Variants in ULK4 observed in about 807,000 individuals in gnomAD.
ULK4 encodes the protein unc-51 like kinase 4.
In ULK4, 133 loss-of-function variants were observed where a neutral mutation model predicts 160.6. The observed-to-expected ratio is 0.83, with a 90% CI of 0.72 to 0.96. The LOEUF is 0.96. Ranked by LOEUF, ULK4 falls within the 40% of genes least tolerant of loss-of-function variation. The pLI is 0.00. For synonymous variants in ULK4, 534 were observed against 539.8 expected (o/e 0.99, Z 0.15); for missense variants, 1,580 against 1,499.5 (o/e 1.05, Z -0.89).
intron 31 of ULK4, among the ~76,000 whole-genome samples, chr3:41,579,113 T>A (rs974705591): frequency 2.0e-5 from 3 of 152,192 alleles, no homozygotes; most frequent in African/African-American, 7.2e-5. Context: ...AAGAAGCCCT[T>A]TGAACAATGG....
chr3:41,545,598 A>C (rs938497482), intron 32 of ULK4, among the ~76,000 whole-genome samples: 1 of 152,130 alleles, frequency 6.6e-6, no homozygotes, highest in Non-Finnish European at 1.5e-5. Flanking sequence ...TCGTGTGCTT[A>C]GGTGAATTTT....
chr3:41,820,040 G>T (rs2041092389), intron 18 of ULK4, among the ~76,000 whole-genome samples: 2 of 152,074 alleles, frequency 1.3e-5, no homozygotes, highest in South Asian at 4.2e-4. Flanking sequence ...TCTCCCAGAA[G>T]ATTAACCAAA....
intron 35 of ULK4, among the ~76,000 whole-genome samples, chr3:41,373,009 C>A (rs376329940): frequency 6.6e-6 from 1 of 151,962 alleles, no homozygotes; most frequent in Admixed American, 6.6e-5. Context: ...GATAAAACAG[C>A]CTTTAAACAA....
chr3:41,954,486 A>G, intron 2 of ULK4, 136 bp downstream of exon 2: 1 of 899,692 alleles, frequency 1.1e-6, no homozygotes, highest in Non-Finnish European at 1.7e-6. Context: ...GGCACTGAAC[A>G]GATGAAGGTC....
chr3:41,786,094 C>A (rs950417303), intron 21 of ULK4, among the ~76,000 whole-genome samples: 1 of 152,228 alleles, frequency 6.6e-6, no homozygotes, highest in Non-Finnish European at 1.5e-5. Context: ...CACCTGCACA[C>A]TGCCCCTAAC....
chr3:41,736,142 C>T (rs2125873212), intron 22 of ULK4, among the ~76,000 whole-genome samples: 1 of 151,704 alleles, frequency 6.6e-6, no homozygotes, highest in African/African-American at 2.4e-5. Context: ...AATAATGCCA[C>T]AATAAACATA....
chr3:41,710,722 A>C (rs1478010603), intron 25 of ULK4, among the ~76,000 whole-genome samples: 3 of 151,988 alleles, frequency 2.0e-5, no homozygotes, highest in Admixed American at 6.6e-5. Flanking sequence ...GGAACCCACG[A>C]AACAGAGGTT....
chr3:41,863,470 A>T (rs971947554), intron 17 of ULK4, among the ~76,000 whole-genome samples: 1 of 152,116 alleles, frequency 6.6e-6, no homozygotes, highest in Non-Finnish European at 1.5e-5. Context: ...AAGGTGCAAG[A>T]CAAAGTCCCC....
intron 30 of ULK4, among the ~76,000 whole-genome samples, chr3:41,628,256 T>A (rs9824077): frequency 0.05 from 7,626 of 152,142 alleles, 444 homozygotes; most frequent in African/African-American, 0.14. Flanking sequence ...AAATTTGAAG[T>A]TTGTGACAGT....
intron 30 of ULK4, among the ~76,000 whole-genome samples, chr3:41,663,169 C>T (rs2035240361): frequency 6.6e-6 from 1 of 150,664 alleles, no homozygotes; most frequent in African/African-American, 2.4e-5. Context: ...TGCAGTGAGC[C>T]AAGATCACAC....
chr3:41,532,886 C>T (rs564563802), intron 32 of ULK4, among the ~76,000 whole-genome samples: 42 of 152,202 alleles, frequency 2.8e-4, no homozygotes, highest in Non-Finnish European at 4.1e-4. Context: ...CCACAAATTA[C>T]TGTCATTAAG....
intron 30 of ULK4, among the ~76,000 whole-genome samples, chr3:41,617,126 A>AG (rs1272421488): frequency 1.3e-5 from 2 of 152,202 alleles, no homozygotes; most frequent in Admixed American, 1.3e-4. Flanking sequence ...CAAAACCCCA[A>AG]TCTCCCTGGG....
rs1273694019 is a variant in ULK4, at chr3:41,593,643, A to C, written c.3120+22026T>G. 1.3e-5 allele frequency among the ~76,000 whole-genome samples: 2 copies of C among 152,248 alleles called. 1 individual carries two copies. Among genetic ancestry groups the C allele is most frequent in the East Asian group, 3.8e-4 (2 of 5,200 alleles). The stretch of plus-strand genomic sequence containing the variant: ...GCTAACTATGCATATCTCTGGGCAC[A>C]GAGTCATAGCTAATTTCCATTTTCT... On this transcript the variant is annotated intron_variant, in intron 31 of 36. Transcript: ENST00000301831.
intron 29 of ULK4, among the ~76,000 whole-genome samples, chr3:41,679,139 C>T (rs907506622): frequency 6.6e-6 from 1 of 152,096 alleles, no homozygotes; most frequent in African/African-American, 2.4e-5. Flanking sequence ...AATTCATTTC[C>T]ATGAAGTATG....
rs184657727 is a variant in ULK4 at position 41,430,455 on chromosome 3, T to G, written c.3492+25042A>C. Among the ~76,000 whole-genome samples, 35 of 152,336 alleles carry G rather than the reference T, an allele frequency of 2.3e-4. No individual in the cohort carries two copies. In the East Asian group the frequency reaches 6.7e-3, roughly 29 times the overall value. ...CCTTTACTGTGAGCTCTGCTTCGTG[T>G]GCCTTCATGATCTGCAAGGCGCCAC... is the stretch of plus-strand genomic sequence containing the variant. On this transcript the variant is annotated intron_variant, in intron 34 of 36. Transcript: ENST00000301831.
At chr3:41,842,540 G>A (rs1237219946) in intron 17 of ULK4, among the ~76,000 whole-genome samples, 4 of 152,246 alleles carry the variant, frequency 2.6e-5, no homozygotes, top group African/African-American at 9.6e-5. Flanking sequence ...GATTGAGTGA[G>A]TTCTCACTCT....
intron 35 of ULK4, among the ~76,000 whole-genome samples, chr3:41,252,609 G>GA (rs35292590): frequency 0.016 from 1,695 of 104,404 alleles, 32 homozygotes; most frequent in African/African-American, 0.056. Flanking sequence ...AGCAGAGATT[G>GA]AAAAAAAAAA....
intron 34 of ULK4, among the ~76,000 whole-genome samples, chr3:41,399,756 C>G (rs2082140653): frequency 6.6e-6 from 1 of 152,026 alleles, no homozygotes; most frequent in South Asian, 2.1e-4. Context: ...CGGGGGTGCA[C>G]TGTCACACCT....
At position 41,455,569 on chromosome 3, in the gene ULK4, G is replaced by A; in HGVS notation, c.3420C>T (p.Asp1140=). 1 of 1,613,938 alleles carries A rather than the reference G, an allele frequency of 6.2e-7. No individual in the cohort carries two copies. The highest frequency in any genetic ancestry group is 8.5e-7 in the Non-Finnish European group (1 of 1,179,928). The part of the protein sequence containing the change: ...LQAQKSGSGE[D]PQAAEDLLLL... ...GCAGCAGGTCTTCTGCAGCCTGAGG[G>A]TCCTCTCCTGAGCCAGACTTCTGGG... is the stretch of plus-strand genomic sequence containing the variant. Residue 1140 remains aspartate, a synonymous_variant, in exon 34 of 37, where the codon GAC becomes GAT. Coordinates refer to ENST00000301831, the MANE Select transcript of ULK4 (RefSeq NM_017886.4).
Sources: gnomAD v4.1 joint callset for allele counts (sites outside exome capture counted in the v4.1 genomes callset) on GRCh38, gnomAD v4.1.1 for gene constraint, MANE v1.5 for transcripts, NCBI Gene and HGNC (gene_info 2026-07-23, HGNC 2026-07-21) for gene names.